SULF1: variants seen among roughly 807,000 people sequenced by gnomAD.
SULF1 encodes extracellular sulfatase Sulf-1.
A neutral mutation model predicts 110.5 loss-of-function variants in SULF1; 46 were observed. The observed-to-expected ratio is 0.42, with a 90% CI of 0.33 to 0.53. SULF1 has a LOEUF of 0.53. SULF1 is among the 20% of genes least tolerant of loss of function. The pLI is 0.12. For synonymous variants in SULF1, 371 were observed against 387.1 expected, an observed-to-expected ratio of 0.96 and a Z score of 0.49; for missense variants, 941 against 1,094.2, an observed-to-expected ratio of 0.86 and a Z score of 1.98.
In SULF1 at chr8:69,569,136, A is replaced by G. The variant is rs549675944; in HGVS notation, c.172+4989A>G. On this transcript the variant is annotated intron_variant, in intron 5 of 22. Coordinates refer to ENST00000402687, the MANE Select transcript of SULF1 (RefSeq NM_001128205.2). Reference sequence around the variant, plus strand: ...TCTGACTCAACATGGCATTTCTTACATTCCTAGGAAATTGACCTGACAGGA... The same window carrying G: ...TCTGACTCAACATGGCATTTCTTACGTTCCTAGGAAATTGACCTGACAGGA... 7.9e-5 allele frequency among the ~76,000 whole-genome samples: 12 copies of G among 152,262 alleles called. No individual in the cohort carries two copies. In the East Asian group the frequency reaches 2.3e-3, roughly 29 times the overall value.
intron 8 of SULF1, 83 bp from the exon 9 acceptor site, chr8:69,600,520 A>T (rs1349212740): frequency 3.0e-6 from 4 of 1,333,336 alleles, no homozygotes; most frequent in Non-Finnish European, 3.1e-6. Context: ...TCTCTCCTTA[A>T]TGATTATTTC....
At chr8:69,545,628 C>A (rs2150679194) in intron 3 of SULF1, among the ~76,000 whole-genome samples, 1 of 152,188 alleles carries the variant, frequency 6.6e-6, no homozygotes, top group African/African-American at 2.4e-5. Context: ...CACCCACACT[C>A]TTTTATTTCT....
chr8:69,540,252 T>C (rs1258934701), intron 3 of SULF1, among the ~76,000 whole-genome samples: 1 of 152,216 alleles, frequency 6.6e-6, no homozygotes, highest in Non-Finnish European at 1.5e-5. Flanking sequence ...AAGACACTAA[T>C]AAGACCCTAA....
chr8:69,544,328 C>T (rs1814093889), intron 3 of SULF1, among the ~76,000 whole-genome samples: 1 of 151,528 alleles, frequency 6.6e-6, no homozygotes, highest in African/African-American at 2.4e-5. Context: ...GAGTACAGTG[C>T]CACGATCTCG....
chr8:69,651,042 C>CT (rs1481641672), intron 22 of SULF1, among the ~76,000 whole-genome samples: 2 of 137,476 alleles, frequency 1.5e-5, no homozygotes, highest in South Asian at 2.2e-4. Flanking sequence ...AACATCTATT[C>CT]TTTTTTTTCT....
chr8:69,581,353 A>G (rs1488516726), intron 6 of SULF1, among the ~76,000 whole-genome samples: 1 of 152,204 alleles, frequency 6.6e-6, no homozygotes, highest in Non-Finnish European at 1.5e-5. Context: ...CTTTAAAAGA[A>G]ATTCCTTGGC....
chr8:69,603,716 T>C, intron 12 of SULF1, 60 bp downstream of exon 12: 2 of 1,151,296 alleles, frequency 1.7e-6, no homozygotes, highest in Non-Finnish European at 2.6e-6. Flanking sequence ...CTTTCCCTGC[T>C]GAGTATTTTT....
rs747687926 is a variant in SULF1 at position 69,604,803 on chromosome 8, C to A, written c.1248C>A (p.Gly416=). 1 of 1,613,602 alleles carries A rather than the reference C, an allele frequency of 6.2e-7. No homozygotes were observed. Among genetic ancestry groups the A allele is most frequent in the Non-Finnish European group, 8.5e-7 (1 of 1,179,836 alleles). ...IWRDTFLVER[G]KFLRKKEESS... ...CGAAGCTTTTCCCTTTTTGTCGAAG[C>A]AAATTTCTACGTAAGAAGGAAGAAT... Residue 416 remains glycine, a splice_region_variant and synonymous_variant, in exon 13 of 23, where the codon GGC becomes GGA. Coordinates refer to ENST00000402687, the MANE Select transcript of SULF1 (RefSeq NM_001128205.2).
chr8:69,534,326 T>A (rs972148245), intron 3 of SULF1, among the ~76,000 whole-genome samples: 2 of 152,252 alleles, frequency 1.3e-5, no homozygotes, highest in African/African-American at 4.8e-5. Context: ...AATAGTTCTT[T>A]AAGAAATTCT....
intron 13 of SULF1, among the ~76,000 whole-genome samples, chr8:69,608,498 A>G (rs1328239840): frequency 1.3e-5 from 2 of 152,112 alleles, no homozygotes; most frequent in African/African-American, 4.8e-5. Flanking sequence ...TGGCCGACAT[A>G]GTCATAGTGA....
Position 69,589,022 on chromosome 8 carries a change from G to A in SULF1, c.615G>A (p.Met205Ile). 4 of 1,614,174 alleles carry A rather than the reference G, an allele frequency of 2.5e-6. No homozygotes were observed. Among genetic ancestry groups the A allele is most frequent in the Non-Finnish European group, 2.5e-6 (3 of 1,180,002 alleles). Residue 205 changes from methionine to isoleucine, a missense_variant, in exon 8 of 23, where the codon ATG becomes ATA. Met to Ile is a conservative substitution (Grantham distance 10). Around this residue, in one of 3 missense-constraint regions of SULF1, gnomAD observed 822 missense variants for 934.3 expected, o/e 0.88. Transcript: ENST00000402687. ...ACGAGAGCATTAATTACTTCAAAAT[G>A]TCTAAGAGAATGTATCCCCATAGGC... The part of the protein sequence containing the change: ...ITNESINYFK[M>I]SKRMYPHRPV...
rs376470722 is a variant in SULF1 at position 69,634,751 on chromosome 8, AAGAG to A, written c.2285-3744_2285-3741del. Among the ~76,000 whole-genome samples, 542 of 152,280 alleles carry A rather than the reference AAGAG, an allele frequency of 3.6e-3. 2 individuals carry two copies. The highest frequency in any genetic ancestry group is 0.012 in the African/African-American group (518 of 41,548). ...TGAGACCCTGTCTCAAAGAAAAAAA[AAGAG>A]AGAGAGGCGGAGAGAATAAAAGTTT... On this transcript the variant is annotated intron_variant, in intron 19 of 22. Coordinates refer to ENST00000402687, the MANE Select transcript of SULF1 (RefSeq NM_001128205.2).
chr8:69,655,619 C>T (rs1446714137), intron 22 of SULF1, among the ~76,000 whole-genome samples: 1 of 152,138 alleles, frequency 6.6e-6, no homozygotes, highest in Admixed American at 6.5e-5. Flanking sequence ...GCTGGTCAGG[C>T]TGGTCTTAAA....
At position 69,586,505 on chromosome 8, in the gene SULF1, A is replaced by C. The variant is rs763784885; in HGVS notation, c.561A>C (p.Ala187=). ...GIKEKHGFDY[A]KDYFTDLITN... is the part of the protein sequence containing the mutation. ...AAGAAAAGCATGGATTTGATTATGCAAAGGTAATTTTCAGGCACTTTTACA... is the reference window on the plus strand; with the variant it reads ...AAGAAAAGCATGGATTTGATTATGCCAAGGTAATTTTCAGGCACTTTTACA... The change falls in exon 7 of 23, where the codon GCA becomes GCC. Residue 187 remains alanine, a synonymous_variant. Transcript: ENST00000402687. 3.7e-6 allele frequency: 6 copies of C among 1,609,122 alleles called. 1 individual carries two copies. The South Asian group carries it at 5.6e-5, about 15-fold the overall frequency.
intron 22 of SULF1, among the ~76,000 whole-genome samples, chr8:69,657,234 C>T (rs1010664008): frequency 2.0e-5 from 3 of 152,156 alleles, no homozygotes; most frequent in Non-Finnish European, 4.4e-5. Flanking sequence ...TCCAACTTTT[C>T]GTATCTCTTT....
chr8:69,519,934 A>G (rs2150609067), intron 3 of SULF1, among the ~76,000 whole-genome samples: 2 of 152,308 alleles, frequency 1.3e-5, no homozygotes. Flanking sequence ...TTTTCACATT[A>G]AAGGTTTCTT....
chr8:69,528,794 G>A (rs142981555), intron 3 of SULF1, among the ~76,000 whole-genome samples: 1 of 151,982 alleles, frequency 6.6e-6, no homozygotes. Flanking sequence ...ACCACAGTGG[G>A]TTTGTTGTTG....
intron 11 of SULF1, 83 bp downstream of exon 11, chr8:69,603,403 A>G (rs956604527): frequency 1.9e-6 from 3 of 1,600,784 alleles, no homozygotes; most frequent in Non-Finnish European, 2.6e-6. Flanking sequence ...AGCTGAAGAC[A>G]TGGAGGCAGA....
At chr8:69,468,417 A>T (rs1012789302) in intron 1 of SULF1, among the ~76,000 whole-genome samples, 3 of 152,146 alleles carry the variant, frequency 2.0e-5, no homozygotes, top group Non-Finnish European at 4.4e-5. Context: ...TCCTTTTTTT[A>T]AAAAAGTTAA....
Sources: allele counts gnomAD v4.1 joint callset (sites outside exome capture counted in the v4.1 genomes callset), GRCh38; gene constraint gnomAD v4.1.1; regional missense constraint gnomAD v4.1.1; transcripts MANE v1.5; gene names NCBI Gene and HGNC (gene_info 2026-07-23, HGNC 2026-07-21).